TRPM7: variants seen among roughly 807,000 people sequenced by gnomAD.
TRPM7 encodes the protein LTRPC ion channel family member 7.
TRPM7 carries 134 observed loss-of-function variants against 229.7 expected under a neutral mutation model. The ratio of observed to expected loss-of-function variants is 0.58; its 90% confidence interval spans 0.51 to 0.67. The LOEUF is 0.67. Ranked by LOEUF, TRPM7 falls within the 30% of genes least tolerant of loss-of-function variation. TRPM7 has a pLI of 0.00. For synonymous variants in TRPM7, 699 were observed against 715.2 expected, an observed-to-expected ratio of 0.98 and a Z score of 0.36; for missense variants, 1,901 against 2,210.0, an observed-to-expected ratio of 0.86 and a Z score of 2.80.
chr15:50,650,077 C>T (rs1396414121), intron 3 of TRPM7, among the ~76,000 whole-genome samples: 2 of 151,142 alleles, frequency 1.3e-5, no homozygotes, highest in Non-Finnish European at 2.9e-5. Flanking sequence ...CCTGTAATCC[C>T]AGCTACTCAG....
intron 3 of TRPM7, among the ~76,000 whole-genome samples, chr15:50,652,525 CAAA>C (rs71127103): frequency 1.0e-4 from 13 of 128,072 alleles, no homozygotes; most frequent in African/African-American, 1.5e-4. Context: ...GACTCTGTCT[CAAA>C]AAAAAAAAAA....
chr15:50,585,072 T>C (rs2054628213), intron 28 of TRPM7, among the ~76,000 whole-genome samples: 1 of 146,694 alleles, frequency 6.8e-6, no homozygotes. Flanking sequence ...TTTTTTTTTT[T>C]GAGACGGAGT....
At chr15:50,566,423 C>T (rs1337827699) in intron 38 of TRPM7, among the ~76,000 whole-genome samples, 1 of 151,994 alleles carries the variant, frequency 6.6e-6, no homozygotes, top group Non-Finnish European at 1.5e-5. Flanking sequence ...TGAGGCCGGG[C>T]GCAGTGGCTT....
Position 50,605,128 on chromosome 15 carries a change from G to A in TRPM7, c.2726C>T (p.Ala909Val). 1 of 1,596,744 alleles carries A rather than the reference G, an allele frequency of 6.3e-7. No individual in the cohort carries two copies. The highest frequency in any genetic ancestry group is 2.2e-5 in the East Asian group (1 of 44,636). ...TTTAATCTTCTGGTTTACTTTCCCA[G>A]CTTCAGACATAAAGATCTAAAGGTT... ...EKVREIFMSE[A>V]GKVNQKIKVW... is the part of the protein sequence containing the mutation. The change falls in exon 21 of 39, where the codon GCT becomes GTT. Residue 909 changes from alanine to valine, a missense_variant. Ala to Val is a moderately conservative substitution (Grantham distance 64, BLOSUM62 0). Around this residue, in one of 8 missense-constraint regions of TRPM7, gnomAD observed 207 missense variants for 241.5 expected, o/e 0.86. Transcript: ENST00000646667.
At position 50,632,918 on chromosome 15, in the gene TRPM7, G is replaced by A. The variant is rs1567047121; in HGVS notation, c.1082C>T (p.Ala361Val). Residue 361 changes from alanine (A) to valine (V), a missense_variant, in exon 9 of 39, where the codon GCA becomes GTA. Ala to Val is a moderately conservative substitution (Grantham distance 64). Around this residue, in one of 8 missense-constraint regions of TRPM7, gnomAD observed 794 missense variants for 881.9 expected, o/e 0.90. Transcript: ENST00000646667. Reference protein sequence around the residue: ...KKTFNFGQNEALHLFQTLMEC... With the variant: ...KKTFNFGQNEVLHLFQTLMEC... ...CATCAGTGTTTGAAATAAATGAAGTGCTTCATTCTGGCCAAAGTTAAATGT... is the reference window on the plus strand; with the variant it reads ...CATCAGTGTTTGAAATAAATGAAGTACTTCATTCTGGCCAAAGTTAAATGT... 6.2e-7 allele frequency: 1 copy of A among 1,600,902 alleles called. No individual in the cohort carries two copies. Among genetic ancestry groups the A allele is most frequent in the Non-Finnish European group, 8.5e-7 (1 of 1,174,816 alleles).
At chr15:50,646,600 A>G (rs1389815335) in intron 4 of TRPM7, among the ~76,000 whole-genome samples, 1 of 152,172 alleles carries the variant, frequency 6.6e-6, no homozygotes, top group African/African-American at 2.4e-5. Flanking sequence ...GTTCAAATCT[A>G]AATAAATAAT....
intron 19 of TRPM7, among the ~76,000 whole-genome samples, chr15:50,608,626 G>C (rs919573738): frequency 6.6e-6 from 1 of 152,124 alleles, no homozygotes; most frequent in African/African-American, 2.4e-5. Flanking sequence ...TGAATAGGAA[G>C]GAACAAGAAC....
rs2061339241 is a variant in TRPM7 at position 50,648,830 on chromosome 15, T to C, written c.178A>G (p.Met60Val). 9.9e-6 allele frequency: 16 copies of C among 1,612,886 alleles called. No homozygotes were observed. The highest frequency in any genetic ancestry group is 1.6e-4 in the Middle Eastern group (1 of 6,078). The change falls in exon 4 of 39, where the codon ATG (methionine) becomes GTG (valine). Residue 60 changes from methionine to valine, a missense_variant. Met to Val is a conservative substitution (Grantham distance 21, BLOSUM62 1). Coordinates refer to ENST00000646667, the MANE Select transcript of TRPM7 (RefSeq NM_017672.6). ...CCCAATTTCACATCTGAGTATTTCA[T>C]GGCAAGACTTGCAGTAAAACAAGCA... ...QHACFTASLA[M>V]KYSDVKLGDH...
At position 50,643,560 on chromosome 15, in the gene TRPM7, A is replaced by T; in HGVS notation, c.322-7T>A. On this transcript the variant is annotated splice_polypyrimidine_tract_variant and splice_region_variant and intron_variant, in intron 4 of 38. Coordinates refer to ENST00000646667, the MANE Select transcript of TRPM7 (RefSeq NM_017672.6). ...CATATGATAGCCTCACATACTAGAA[A>T]AAGATTTTAAAAGGAGAAAATAATT... 1 of 1,606,576 alleles carries T rather than the reference A, an allele frequency of 6.2e-7. No individual in the cohort carries two copies. The highest frequency in any genetic ancestry group is 8.5e-7 in the Non-Finnish European group (1 of 1,173,996).
intron 3 of TRPM7, among the ~76,000 whole-genome samples, chr15:50,655,944 C>T (rs574356513): frequency 1.3e-5 from 2 of 151,060 alleles, no homozygotes; most frequent in Non-Finnish European, 2.9e-5. Flanking sequence ...GAGCTGAGAT[C>T]GCACCACTGT....
chr15:50,580,342 G>A (rs28504102), intron 30 of TRPM7, among the ~76,000 whole-genome samples: 3,100 of 152,100 alleles, frequency 0.02, 122 homozygotes, highest in African/African-American at 0.072. Flanking sequence ...TTTACTTTCT[G>A]GGGACAATAA....
chr15:50,610,198 A>G (rs1201090503), intron 17 of TRPM7, among the ~76,000 whole-genome samples: 2 of 152,106 alleles, frequency 1.3e-5, no homozygotes, highest in Non-Finnish European at 2.9e-5. Flanking sequence ...TATTATGATA[A>G]TAAGGGTATA....
chr15:50,607,885 G>GA (rs758254672), intron 19 of TRPM7, among the ~76,000 whole-genome samples: 8,267 of 109,128 alleles, frequency 0.076, 407 homozygotes, highest in African/African-American at 0.15. Context: ...CATCTCTACT[G>GA]AAAAAAAAAA....
chr15:50,626,452 A>G (rs1042171243), intron 11 of TRPM7, among the ~76,000 whole-genome samples: 10 of 152,198 alleles, frequency 6.6e-5, no homozygotes, highest in African/African-American at 2.4e-4. Flanking sequence ...TGTAAGGAGC[A>G]TTTCCTCACA....
At chr15:50,613,388 G>A (rs546980311) in intron 15 of TRPM7, among the ~76,000 whole-genome samples, 2 of 151,328 alleles carry the variant, frequency 1.3e-5, no homozygotes, top group East Asian at 3.9e-4. Flanking sequence ...TGTAGTCTCA[G>A]CTACTCGGGA....
chr15:50,611,637 T>C (rs1339635445), intron 16 of TRPM7, among the ~76,000 whole-genome samples: 1 of 152,198 alleles, frequency 6.6e-6, no homozygotes, highest in Admixed American at 6.5e-5. Context: ...AAAAAGTTTA[T>C]GTAGTATTTC....
intron 11 of TRPM7, 43 bp downstream of exon 11, chr15:50,628,106 T>C (rs370910398): frequency 1.4e-5 from 19 of 1,342,512 alleles, no homozygotes; most frequent in Non-Finnish European, 1.8e-5. Context: ...TTTTATTACT[T>C]AGTGTAATTT....
rs560332730 is a variant in TRPM7, at chr15:50,618,366, C to G, written c.1494+1379G>C. 3.9e-5 allele frequency among the ~76,000 whole-genome samples: 6 copies of G among 152,012 alleles called. No homozygotes were observed. The East Asian group carries it at 7.7e-4, about 20-fold the overall frequency. On this transcript the variant is annotated intron_variant, in intron 13 of 38. Coordinates refer to ENST00000646667, the MANE Select transcript of TRPM7 (RefSeq NM_017672.6). ...AGGGCAGATCACGAGGTCAGGAGAT[C>G]GAGACCATCCTGGCTAACATGGTGA...
intron 12 of TRPM7, among the ~76,000 whole-genome samples, chr15:50,621,958 A>G (rs764230243): frequency 1.4e-4 from 21 of 152,086 alleles, no homozygotes; most frequent in Non-Finnish European, 2.6e-4. Context: ...TGAACCTGGG[A>G]GGTGGAGGTC....
Sources: gnomAD v4.1 joint callset for allele counts (sites outside exome capture counted in the v4.1 genomes callset) on GRCh38, gnomAD v4.1.1 for gene constraint, gnomAD v4.1.1 regional missense constraint, MANE v1.5 for transcripts, NCBI Gene and HGNC (gene_info 2026-07-23, HGNC 2026-07-21) for gene names.